Variants in DST observed in about 807,000 individuals in gnomAD.
DST encodes bullous pemphigoid antigen.
DST carries 253 observed loss-of-function variants against 875.2 expected under a neutral mutation model. That is an observed-to-expected ratio of 0.29 (90% confidence interval 0.26 to 0.32). The LOEUF (loss-of-function observed/expected upper bound fraction) is 0.32, where lower values mean the gene tolerates loss of function less well. Among genes scored for constraint, DST ranks in the 10% least tolerant of loss-of-function variants. DST has a pLI of 1.00. For missense variants in DST, 8,287 were observed against 9,111.6 expected (o/e 0.91, Z 3.68); for synonymous variants, 3,124 against 3,197.1 (o/e 0.98, Z 0.77).
chr6:56,579,067 T>A (rs76896224), intron 49 of DST, 130 bp from the exon 50 acceptor site: 1 of 743,546 alleles, frequency 1.3e-6, no homozygotes, highest in African/African-American at 1.8e-5. Context: ...CCAACTTTCA[T>A]CATCAACTTA....
At chr6:56,872,382 C>T (rs56748989) in intron 3 of DST, among the ~76,000 whole-genome samples, 2,751 of 151,988 alleles carry the variant, frequency 0.018, 84 homozygotes, top group African/African-American at 0.063. Context: ...TTAAGCTAGG[C>T]GCAGTGGCTC....
chr6:56,616,424 G>T, intron 36 of DST: 1 of 1,613,928 alleles, frequency 6.2e-7, no homozygotes, highest in South Asian at 1.1e-5. Context: ...GGTCAATTCT[G>T]ATCCTGTTTT....
intron 12 of DST, among the ~76,000 whole-genome samples, chr6:56,649,649 A>C (rs1057415842): frequency 6.6e-6 from 1 of 152,216 alleles, no homozygotes; most frequent in Non-Finnish European, 1.5e-5. Context: ...ATTGACATGG[A>C]AATGTCCTGG....
At chr6:56,793,931 A>G (rs1448974696) in intron 4 of DST, among the ~76,000 whole-genome samples, 1 of 152,210 alleles carries the variant, frequency 6.6e-6, no homozygotes, top group Non-Finnish European at 1.5e-5. Context: ...AGAAAATGGT[A>G]TTTTAAATGT....
chr6:56,723,899 C>T (rs1053153005), intron 5 of DST, among the ~76,000 whole-genome samples: 3 of 152,204 alleles, frequency 2.0e-5, no homozygotes, highest in African/African-American at 7.2e-5. Context: ...TGAAACCTTC[C>T]TCCGCTGCTC....
At chr6:56,550,358 C>T (rs1305175841) in intron 61 of DST, among the ~76,000 whole-genome samples, 1 of 152,160 alleles carries the variant, frequency 6.6e-6, no homozygotes, top group African/African-American at 2.4e-5. Flanking sequence ...CAAACAAACA[C>T]AGCATGCTAA....
Position 56,937,678 on chromosome 6 carries a change from T to C in DST, c.216+16107A>G, listed in dbSNP as rs151330723. On this transcript the variant is annotated intron_variant, in intron 2 of 103. Coordinates refer to ENST00000680361, the MANE Select transcript of DST (RefSeq NM_001374736.1). The stretch of plus-strand genomic sequence containing the variant: ...TCTGCCCAAGAGAAATGAAAATATA[T>C]GTCCACACAATGGTTTTAAGCACAT... 1.2e-3 allele frequency among the ~76,000 whole-genome samples: 187 copies of C among 152,326 alleles called. 1 individual carries two copies. Among genetic ancestry groups the C allele is most frequent in the African/African-American group, 4.4e-3 (181 of 41,582 alleles).
chr6:56,626,389 A>G (rs1281644927), intron 34 of DST, among the ~76,000 whole-genome samples: 1 of 152,076 alleles, frequency 6.6e-6, no homozygotes, highest in African/African-American at 2.4e-5. Context: ...TATACCTTTA[A>G]TATGTTTAGA....
chr6:56,712,245 A>G (rs1298100508), intron 5 of DST, among the ~76,000 whole-genome samples: 11 of 152,028 alleles, frequency 7.2e-5, no homozygotes, highest in Admixed American at 7.2e-4. Context: ...CTTTCTTTAA[A>G]CTCTTTTTCA....
At chr6:56,786,158 G>C (rs538474506) in intron 4 of DST, among the ~76,000 whole-genome samples, 1 of 152,154 alleles carries the variant, frequency 6.6e-6, no homozygotes, top group East Asian at 1.9e-4. Flanking sequence ...CTTTCATTTG[G>C]GGGGGAGGGG....
intron 87 of DST, among the ~76,000 whole-genome samples, chr6:56,486,583 G>A (rs533192421): frequency 6.6e-6 from 1 of 152,052 alleles, no homozygotes; most frequent in South Asian, 2.1e-4. Context: ...ATATGTCTTG[G>A]GTTTTCATGG....
At chr6:56,687,659 T>C (rs1468044265) in intron 9 of DST, among the ~76,000 whole-genome samples, 2 of 152,150 alleles carry the variant, frequency 1.3e-5, no homozygotes, top group Middle Eastern at 3.2e-3. Context: ...CATATTGAAT[T>C]TGTCAACACA....
rs2098439286 is a variant in DST, at chr6:56,600,802, A to G, written c.11542-581T>C. Among the ~76,000 whole-genome samples, 3 of 152,104 alleles carry G rather than the reference A, an allele frequency of 2.0e-5. No homozygotes were observed. In the South Asian group the frequency reaches 6.2e-4, roughly 31 times the overall value. On this transcript the variant is annotated intron_variant, in intron 44 of 103. Transcript: ENST00000680361. ...AAAGATTAAGAAGTCAACACTAATT[A>G]CTTGCACCTTTCATTTTCCTACTAT...
intron 3 of DST, among the ~76,000 whole-genome samples, chr6:56,887,650 T>A (rs56008741): frequency 0.017 from 2,576 of 152,288 alleles, 77 homozygotes; most frequent in African/African-American, 0.058. Flanking sequence ...AGGTTTTTTT[T>A]ATTTAAGACA....
rs750489568 is a variant in DST at position 56,509,651 on chromosome 6, A to G, written c.19003T>C (p.Ser6335Pro). Residue 6335 changes from serine (S) to proline (P), a missense_variant, in exon 74 of 104, where the codon TCT becomes CCT. Ser to Pro is a moderately conservative substitution (Grantham distance 74, BLOSUM62 -1). Coordinates refer to ENST00000680361, the MANE Select transcript of DST (RefSeq NM_001374736.1). ...ARSGGTDKDI[S>P]AKAVQDKLDQ... ...ATTCCAAAAGTATTACCTTTGGCAG[A>G]TATGTCTTTATCAGTCCCCCCAGAT... 6.2e-7 allele frequency: 1 copy of G among 1,612,584 alleles called. No homozygotes were observed. Among genetic ancestry groups the G allele is most frequent in the Non-Finnish European group, 8.5e-7 (1 of 1,178,800 alleles).
rs777661294 is a variant in DST, at chr6:56,527,678, C to T, written c.17737G>A (p.Asp5913Asn). Residue 5913 changes from aspartate to asparagine, a missense_variant, in exon 68 of 104, where the codon GAC (aspartate) becomes AAC (asparagine). Physicochemically the swap from Asp to Asn is conservative, Grantham distance 23. This residue lies in a region of DST where 777 missense variants were observed against 764.8 expected (regional missense o/e 1.02). Coordinates refer to ENST00000680361, the MANE Select transcript of DST (RefSeq NM_001374736.1). ...KLEAIKARYK[D>N]ITKLSTDVAK... is the part of the protein sequence containing the mutation. Reference sequence around the variant, plus strand: ...ACATCAGTGCTCAGTTTAGTAATGTCTTTGTACCTTGCTTTAATGGCTTCC... The same window carrying T: ...ACATCAGTGCTCAGTTTAGTAATGTTTTTGTACCTTGCTTTAATGGCTTCC... The T allele has an allele frequency of 8.1e-6, 13 of 1,612,902 alleles. No homozygotes were observed. Among genetic ancestry groups the T allele is most frequent in the African/African-American group, 5.3e-5 (4 of 74,896 alleles).
At chr6:56,806,065 C>G (rs1473774097) in intron 4 of DST, among the ~76,000 whole-genome samples, 1 of 152,150 alleles carries the variant, frequency 6.6e-6, no homozygotes, top group East Asian at 1.9e-4. Flanking sequence ...AAACAGTGGA[C>G]TTTCTGAATT....
chr6:56,609,805 A>T (rs2098529167), intron 39 of DST, among the ~76,000 whole-genome samples: 1 of 152,312 alleles, frequency 6.6e-6, no homozygotes, highest in South Asian at 2.1e-4. Flanking sequence ...GAAACTGGAA[A>T]AATTGTTACA....
intron 9 of DST, among the ~76,000 whole-genome samples, chr6:56,695,126 C>CAAAATAAAA (rs2099256276): frequency 1.4e-5 from 1 of 70,096 alleles, no homozygotes; most frequent in African/African-American, 5.5e-5. Flanking sequence ...GACTCCCTCT[C>CAAAATAAAA]AAAAAAAAAA....
Sources: allele counts gnomAD v4.1 joint callset (sites outside exome capture counted in the v4.1 genomes callset), GRCh38; gene constraint gnomAD v4.1.1; regional missense constraint gnomAD v4.1.1; transcripts MANE v1.5; gene names NCBI Gene and HGNC (gene_info 2026-07-23, HGNC 2026-07-21).